Variants in EIF5B observed in about 807,000 individuals in gnomAD.
EIF5B encodes the protein eukaryotic translation initiation factor 5B.
In EIF5B, 47 loss-of-function variants were observed where a neutral mutation model predicts 147.5. The observed-to-expected ratio is 0.32, with a 90% CI of 0.25 to 0.41. EIF5B has a LOEUF of 0.41. EIF5B is among the 10% of genes least tolerant of loss of function. The pLI is 1.00. For missense variants in EIF5B, 1,064 were observed against 1,413.2 expected, an observed-to-expected ratio of 0.75 and a Z score of 3.96; for synonymous variants, 455 against 456.2, an observed-to-expected ratio of 1.00 and a Z score of 0.03.
At chr2:99,379,152 A>T in intron 11 of EIF5B, 26 bp downstream of exon 11, 3 of 1,556,612 alleles carry the variant, frequency 1.9e-6, no homozygotes, top group Non-Finnish European at 2.6e-6. Context: ...ATGTATTGAT[A>T]GAACTTTGAA....
chr2:99,394,630 A>G (rs370450708), intron 20 of EIF5B, 45 bp downstream of exon 20: 27 of 1,612,680 alleles, frequency 1.7e-5, no homozygotes, highest in East Asian at 4.5e-5. Context: ...TTACGTAGCT[A>G]TCTTAAAACT....
Position 99,394,585 on chromosome 2 carries a change from A to G in EIF5B, c.3089A>G (p.Gln1030Arg), listed in dbSNP as rs889455500. ...KASVMLEHDP[Q>R]YAVILAFDVR... ...TCAGTGATGTTGGAACATGACCCTC[A>G]GTAAGTAATTTCTCTTGCTATGAAG... Residue 1030 changes from glutamine (Q) to arginine (R), a missense_variant and splice_region_variant, in exon 20 of 24, where the codon CAG becomes CGG. Gln to Arg is a conservative substitution (Grantham distance 43). This residue lies in a region of EIF5B where 380 missense variants were observed against 715.6 expected (regional missense o/e 0.53). Coordinates refer to ENST00000289371, the MANE Select transcript of EIF5B (RefSeq NM_015904.4). 12 of 1,614,068 alleles carry G rather than the reference A, an allele frequency of 7.4e-6. No homozygotes were observed. Among genetic ancestry groups the G allele is most frequent in the African/African-American group, 1.3e-5 (1 of 74,940 alleles).
intron 18 of EIF5B, among the ~76,000 whole-genome samples, chr2:99,393,933 C>G (rs571663457): frequency 3.9e-4 from 60 of 152,312 alleles, no homozygotes; most frequent in Non-Finnish European, 6.9e-4. Context: ...TAACACATTA[C>G]GTTTATGTGG....
At position 99,383,015 on chromosome 2, in the gene EIF5B, T is replaced by C. The variant is rs1185081587; in HGVS notation, c.2271+94T>C. 2.3e-6 allele frequency: 3 copies of C among 1,318,910 alleles called. No homozygotes were observed. The East Asian group carries it at 7.4e-5, about 32-fold the overall frequency. The allele number at this position is 1,318,910 out of a possible 1,614,324, so 81.7% of individuals were successfully genotyped here. On this transcript the variant is annotated intron_variant, in intron 14 of 23. Transcript: ENST00000289371. ...AGTATAATTAACTTACAAGCATAGC[T>C]CATTTTATTGTGCTTCACTATATTG...
intron 1 of EIF5B, among the ~76,000 whole-genome samples, chr2:99,354,148 C>A (rs1319717392): frequency 6.6e-6 from 1 of 152,162 alleles, no homozygotes; most frequent in Non-Finnish European, 1.5e-5. Flanking sequence ...ATATTTCTAC[C>A]AGCAGTGTAT....
chr2:99,340,423 T>C (rs550033703), intron 1 of EIF5B, among the ~76,000 whole-genome samples: 3 of 152,292 alleles, frequency 2.0e-5, no homozygotes, highest in Admixed American at 6.5e-5. Context: ...GATTTTACTG[T>C]CATTCCACCT....
chr2:99,399,525 T>TATGG lies in EIF5B; in HGVS notation c.*113_*116dup. ...GTATTTGGACACTGATGGACTTAAGTATGGAAGGAAGAAAAATAGGTGTAT... is the reference window on the plus strand; with the variant it reads ...GTATTTGGACACTGATGGACTTAAGTATGGATGGAAGGAAGAAAAATAGGTGTAT... On this transcript the variant is annotated 3_prime_UTR_variant, in exon 24 of 24. Transcript: ENST00000289371. The TATGG allele has an allele frequency of 2.1e-6, 2 of 958,382 alleles. No homozygotes were observed. The highest frequency in any genetic ancestry group is 3.1e-6 in the Non-Finnish European group (2 of 635,830). The allele number at this position is 958,382 out of a possible 1,614,324, so 59.4% of individuals were successfully genotyped here. A position where few individuals can be genotyped will look rare whatever the true frequency, so the allele number is the denominator to read the frequency against.
rs756561094 is a variant in EIF5B, at chr2:99,376,405, GGAA to G, written c.1617_1619del (p.Glu543del). 36 of 1,544,836 alleles carry G rather than the reference GGAA, an allele frequency of 2.3e-5. No homozygotes were observed. Among genetic ancestry groups the G allele is most frequent in the East Asian group, 4.6e-5 (2 of 43,142 alleles). ...AAAACCCTGAAGAGGAGGAGGAGGA[GGAA>G]GAAGAGGAAGAAGAAGATGAAGAAA... On this transcript the variant is annotated inframe_deletion, in exon 10 of 24. Coordinates refer to ENST00000289371, the MANE Select transcript of EIF5B (RefSeq NM_015904.4).
intron 9 of EIF5B, among the ~76,000 whole-genome samples, chr2:99,372,311 A>T (rs924043793): frequency 1.3e-4 from 20 of 151,718 alleles, no homozygotes; most frequent in Non-Finnish European, 2.5e-4. Flanking sequence ...TTTCATTTTG[A>T]TGTATTAAGT....
In EIF5B at chr2:99,401,064, T is replaced by A; in HGVS notation, c.*1650T>A. 1 of 449,442 alleles carries A rather than the reference T, an allele frequency of 2.2e-6. No individual in the cohort carries two copies. The allele number at this position is 449,442 out of a possible 1,614,324, so 27.8% of individuals were successfully genotyped here. On this transcript the variant is annotated 3_prime_UTR_variant, in exon 24 of 24. Transcript: ENST00000289371. ...TGCTACAGTAAAATAATTAACACAATTATTTACATGCAATACTGACAAATT... is the reference window on the plus strand; with the variant it reads ...TGCTACAGTAAAATAATTAACACAAATATTTACATGCAATACTGACAAATT...
intron 6 of EIF5B, among the ~76,000 whole-genome samples, chr2:99,365,274 A>G (rs1012256569): frequency 1.3e-5 from 2 of 152,080 alleles, no homozygotes; most frequent in African/African-American, 2.4e-5. Context: ...TCTTATAGCT[A>G]TTTTTACTTC....
At chr2:99,388,399 T>C (rs1674853535) in intron 14 of EIF5B, among the ~76,000 whole-genome samples, 1 of 151,508 alleles carries the variant, frequency 6.6e-6, no homozygotes, top group Non-Finnish European at 1.5e-5. Flanking sequence ...CTTTCACCCT[T>C]AAGTATGATG....
At chr2:99,378,817 C>T (rs1258584603) in intron 10 of EIF5B, among the ~76,000 whole-genome samples, 1 of 152,070 alleles carries the variant, frequency 6.6e-6, no homozygotes, top group African/African-American at 2.4e-5. Flanking sequence ...GAAATCTAAA[C>T]AGGTTTTTCC....
At chr2:99,345,043 G>A (rs2309577) in intron 1 of EIF5B, among the ~76,000 whole-genome samples, 2 of 152,112 alleles carry the variant, frequency 1.3e-5, no homozygotes, top group African/African-American at 4.8e-5. Context: ...CAATGGAATC[G>A]TTGTCTGTGT....
chr2:99,362,388 A>T (rs912759439), intron 4 of EIF5B, among the ~76,000 whole-genome samples: 1 of 152,152 alleles, frequency 6.6e-6, no homozygotes, highest in Admixed American at 6.5e-5. Flanking sequence ...GATGGTTTGC[A>T]TGGCCATACT....
intron 23 of EIF5B, 39 bp from the exon 24 acceptor site, chr2:99,399,268 T>A (rs1488932449): frequency 6.3e-7 from 1 of 1,593,330 alleles, no homozygotes; most frequent in African/African-American, 1.3e-5. Flanking sequence ...GCACGTTTGT[T>A]ATGTTCTGTT....
At position 99,400,882 on chromosome 2, in the gene EIF5B, T is replaced by TAATAA. The variant is rs1675284282; in HGVS notation, c.*1470_*1474dup. ...CTGGAGGTTTTTCAGCCTTTTAGTATAATAAACAGTAGTTGCTTCCTAGAG... is the reference window on the plus strand; with the variant it reads ...CTGGAGGTTTTTCAGCCTTTTAGTATAATAAAATAAACAGTAGTTGCTTCCTAGAG... On this transcript the variant is annotated 3_prime_UTR_variant, in exon 24 of 24. Coordinates refer to ENST00000289371, the MANE Select transcript of EIF5B (RefSeq NM_015904.4). 1 of 159,902 alleles carries TAATAA rather than the reference T, an allele frequency of 6.3e-6. No homozygotes were observed. Among genetic ancestry groups the TAATAA allele is most frequent in the East Asian group, 1.8e-4 (1 of 5,568 alleles). 9.9% of individuals were successfully genotyped at this position (159,902 alleles called of 1,614,324 possible).
intron 6 of EIF5B, among the ~76,000 whole-genome samples, chr2:99,365,920 A>G (rs956347400): frequency 3.3e-5 from 5 of 152,146 alleles, no homozygotes; most frequent in African/African-American, 1.2e-4. Context: ...TGTTTGAAAG[A>G]CAGCTGCTTA....
chr2:99,340,770 ATCT>A (rs564354641), intron 1 of EIF5B: 133 of 151,398 alleles, frequency 8.8e-4, no homozygotes, highest in African/African-American at 2.7e-3. Context: ...TTTGTGAAAA[ATCT>A]TCTTTTTTTT....
Sources: allele counts gnomAD v4.1 joint callset (sites outside exome capture counted in the v4.1 genomes callset), GRCh38; gene constraint gnomAD v4.1.1; regional missense constraint gnomAD v4.1.1; transcripts MANE v1.5; gene names NCBI Gene and HGNC (gene_info 2026-07-23, HGNC 2026-07-21).